Variants in TNIP3 observed in about 807,000 individuals in gnomAD.
The protein encoded by TNIP3 is TNFAIP3-interacting protein 3.
In TNIP3, 34 loss-of-function variants were observed where a neutral mutation model predicts 54.1. The ratio of observed to expected loss-of-function variants is 0.63; its 90% confidence interval spans 0.48 to 0.84. The LOEUF is 0.84. Among genes scored for constraint, TNIP3 ranks in the 40% least tolerant of loss-of-function variants. The pLI is 0.00. For missense variants in TNIP3, 366 were observed against 387.6 expected, an observed-to-expected ratio of 0.94 and a Z score of 0.47; for synonymous variants, 134 against 136.8, an observed-to-expected ratio of 0.98 and a Z score of 0.14.
upstream of TNIP3, among the ~76,000 whole-genome samples, chr4:121,220,513 A>G (rs1015506645): frequency 2.0e-5 from 3 of 152,162 alleles, no homozygotes; most frequent in African/African-American, 7.2e-5. Context: ...TGCCCTCACC[A>G]TCATCCAATT....
chr4:121,167,079 A>G (rs570197512), upstream of TNIP3, among the ~76,000 whole-genome samples: 1 of 152,300 alleles, frequency 6.6e-6, no homozygotes, highest in South Asian at 2.1e-4. Flanking sequence ...TTTTAAAGAT[A>G]GGACCATCAA....
intron 7 of TNIP3, among the ~76,000 whole-genome samples, chr4:121,146,645 T>A (rs77267840): frequency 1.3e-5 from 2 of 152,298 alleles, no homozygotes; most frequent in East Asian, 3.9e-4. Flanking sequence ...ATAAATGGCA[T>A]TTAGAAATAC....
At chr4:121,160,404 T>C (rs545692113) in intron 2 of TNIP3, among the ~76,000 whole-genome samples, 2 of 151,532 alleles carry the variant, frequency 1.3e-5, no homozygotes, top group South Asian at 2.1e-4. Context: ...ACTTGAACCC[T>C]GGAGGCAGAG....
At chr4:121,226,527 G>A (rs1727265916) in intron 1 of TNIP3, among the ~76,000 whole-genome samples, 2 of 152,204 alleles carry the variant, frequency 1.3e-5, no homozygotes, top group South Asian at 4.1e-4. Flanking sequence ...AGGACACTCT[G>A]GGAGTCTCTG....
intron 2 of TNIP3, among the ~76,000 whole-genome samples, chr4:121,198,012 T>C (rs540986264): frequency 6.6e-6 from 1 of 152,342 alleles, no homozygotes; most frequent in East Asian, 1.9e-4. Context: ...ATTGAGTAAC[T>C]ATGAAAATGT....
intron 2 of TNIP3, among the ~76,000 whole-genome samples, chr4:121,198,957 CT>C (rs747074383): frequency 2.0e-5 from 3 of 152,030 alleles, no homozygotes; most frequent in Non-Finnish European, 4.4e-5. Flanking sequence ...ACATGTAAAC[CT>C]TTAAAAGACA....
chr4:121,192,262 G>A (rs1452350564), intron 2 of TNIP3, among the ~76,000 whole-genome samples: 3 of 152,108 alleles, frequency 2.0e-5, no homozygotes, highest in Non-Finnish European at 4.4e-5. Flanking sequence ...GGAATGTTAA[G>A]AAATAATGGA....
intron 10 of TNIP3, chr4:121,138,130 G>T (rs1396803382): frequency 2.7e-6 from 1 of 372,218 alleles, no homozygotes; most frequent in Non-Finnish European, 5.3e-6. Flanking sequence ...TTTGAGGTGG[G>T]CGTTGTGGGC....
At chr4:121,218,532 C>T (rs187543610), upstream of TNIP3, among the ~76,000 whole-genome samples, 437 of 148,774 alleles carry the variant, frequency 2.9e-3, 3 homozygotes, top group African/African-American at 0.01. Context: ...CTTCCTCCCT[C>T]CCTCCCTTCC....
At chr4:121,181,116 A>T (rs1443290676) in intron 3 of TNIP3, among the ~76,000 whole-genome samples, 1 of 152,226 alleles carries the variant, frequency 6.6e-6, no homozygotes, top group East Asian at 1.9e-4. Flanking sequence ...GAGGAAGGTA[A>T]TAAGGATGTA....
chr4:121,222,639 T>A (rs1224746750), intron 1 of TNIP3, among the ~76,000 whole-genome samples: 7 of 152,140 alleles, frequency 4.6e-5, no homozygotes, highest in African/African-American at 7.2e-5. Flanking sequence ...TCCAAATAAA[T>A]GTGAGAGAAT....
intron 3 of TNIP3, among the ~76,000 whole-genome samples, chr4:121,181,058 G>C (rs1724667654): frequency 1.3e-5 from 2 of 152,196 alleles, no homozygotes; most frequent in Admixed American, 6.5e-5. Context: ...TAGAGAGAGA[G>C]ACATAAATTT....
intron 2 of TNIP3, among the ~76,000 whole-genome samples, chr4:121,191,090 T>C (rs1725286040): frequency 4.6e-5 from 7 of 152,134 alleles, no homozygotes; most frequent in Admixed American, 4.6e-4. Context: ...GTTTTTGTTT[T>C]TGTTGTTGTT....
intron 3 of TNIP3, among the ~76,000 whole-genome samples, chr4:121,179,881 C>T (rs1332106804): frequency 6.6e-6 from 1 of 152,000 alleles, no homozygotes; most frequent in African/African-American, 2.4e-5. Flanking sequence ...TCAGGAAAGA[C>T]TGAGTGGAAA....
intron 10 of TNIP3, among the ~76,000 whole-genome samples, chr4:121,135,920 A>C (rs543978129): frequency 6.6e-6 from 1 of 152,208 alleles, no homozygotes. Flanking sequence ...TATGAAATAC[A>C]TCAACTGTGG....
upstream of TNIP3, among the ~76,000 whole-genome samples, chr4:121,169,259 A>G (rs1285961793): frequency 1.3e-5 from 2 of 152,260 alleles, no homozygotes; most frequent in East Asian, 1.9e-4. Context: ...CCCTGGCCAC[A>G]CCGTTGCCCC....
intron 2 of TNIP3, among the ~76,000 whole-genome samples, chr4:121,187,693 C>T (rs1725094264): frequency 6.6e-6 from 1 of 152,194 alleles, no homozygotes. Context: ...TTCAGAGAGG[C>T]TTGGGAGATA....
At chr4:121,138,491 A>T in intron 10 of TNIP3, 133 bp downstream of exon 10, 1 of 792,096 alleles carries the variant, frequency 1.3e-6, no homozygotes, top group Non-Finnish European at 2.1e-6. Context: ...GCATCAAATT[A>T]AAGTTATGTA....
At chr4:121,214,089 A>G (rs1370940663) in intron 2 of TNIP3, among the ~76,000 whole-genome samples, 1 of 152,194 alleles carries the variant, frequency 6.6e-6, no homozygotes, top group Non-Finnish European at 1.5e-5. Flanking sequence ...GAGTCAGTTC[A>G]GGAGTGATAG....
Sources: allele counts gnomAD v4.1 joint callset (sites outside exome capture counted in the v4.1 genomes callset), GRCh38; gene constraint gnomAD v4.1.1; transcripts MANE v1.5; gene names NCBI Gene and HGNC (gene_info 2026-07-23, HGNC 2026-07-21).